Variants in PYHIN1 observed in about 807,000 individuals in gnomAD.
PYHIN1 encodes pyrin and HIN domain family member 1.
Under a neutral mutation model 43.7 loss-of-function variants are expected in PYHIN1, and 32 were observed. That is an observed-to-expected ratio of 0.73 (90% CI 0.55 to 0.98). The LOEUF (loss-of-function observed/expected upper bound fraction) is 0.98, where lower values mean the gene tolerates loss of function less well. Ranked by LOEUF, PYHIN1 falls within the 50% of genes least tolerant of loss-of-function variation. The probability of loss-of-function intolerance (pLI) is 0.00; values close to 1 mark genes in which losing one functional copy is unlikely to be tolerated. For missense variants in PYHIN1, 588 were observed against 589.5 expected (o/e 1.00, Z 0.03); for synonymous variants, 205 against 203.1 (o/e 1.01, Z -0.08).
intron 7 of PYHIN1, among the ~76,000 whole-genome samples, chr1:158,950,061 G>T (rs1649446867): frequency 6.6e-6 from 1 of 152,152 alleles, no homozygotes; most frequent in Non-Finnish European, 1.5e-5. Context: ...AGACCCCATT[G>T]GGTGTAAATC....
Position 158,946,648 on chromosome 1 carries a change from G to T in PYHIN1, c.1359+1606G>T, listed in dbSNP as rs191114103. 5.0e-3 allele frequency among the ~76,000 whole-genome samples: 759 copies of T among 152,238 alleles called. 5 individuals are homozygous for T. The highest frequency in any genetic ancestry group is 8.1e-3 in the Non-Finnish European group (554 of 68,016). ...AAGAACAGACAACAGGTACCCATTTGTGTATTTCCTTGACTAGAAAGACTT... is the reference window on the plus strand; with the variant it reads ...AAGAACAGACAACAGGTACCCATTTTTGTATTTCCTTGACTAGAAAGACTT... On this transcript the variant is annotated intron_variant, in intron 7 of 8. Coordinates refer to ENST00000368140, the MANE Select transcript of PYHIN1 (RefSeq NM_152501.5).
chr1:158,973,910 A>G (rs1453635477), intron 8 of PYHIN1, 139 bp downstream of exon 8: 5 of 1,024,000 alleles, frequency 4.9e-6, no homozygotes, highest in East Asian at 5.3e-5. Context: ...ATTTATCAAT[A>G]TATAATTGGA....
chr1:158,934,910 A>G (rs892957188), intron 1 of PYHIN1, among the ~76,000 whole-genome samples: 18 of 152,210 alleles, frequency 1.2e-4, no homozygotes, highest in Admixed American at 3.9e-4. Context: ...TTGTATTTTT[A>G]GTAGAGACGG....
chr1:158,988,877 C>T, the PYHIN1 span, among the ~76,000 whole-genome samples: 1 of 152,062 alleles, frequency 6.6e-6, no homozygotes, highest in African/African-American at 2.4e-5. Flanking sequence ...CAAGACACAC[C>T]CCCACTGGGG....
At chr1:158,934,994 C>T (rs1305181506) in intron 1 of PYHIN1, among the ~76,000 whole-genome samples, 8 of 152,128 alleles carry the variant, frequency 5.3e-5, no homozygotes, top group Middle Eastern at 3.4e-3. Context: ...CCTCCCAAAG[C>T]GCTATGTTAA....
chr1:158,975,111 TTTC>T (rs1250435893), intron 8 of PYHIN1, among the ~76,000 whole-genome samples: 1 of 151,990 alleles, frequency 6.6e-6, no homozygotes, highest in Non-Finnish European at 1.5e-5. Flanking sequence ...CATATAGCCA[TTTC>T]TTCTTTGATA....
At chr1:158,971,374 A>G (rs1325480917) in intron 7 of PYHIN1, among the ~76,000 whole-genome samples, 2 of 152,012 alleles carry the variant, frequency 1.3e-5, no homozygotes, top group Non-Finnish European at 2.9e-5. Context: ...CTTAGTGCTT[A>G]GAGAGAATCA....
At chr1:158,932,794 C>T (rs1557818902) in intron 1 of PYHIN1, among the ~76,000 whole-genome samples, 1 of 152,120 alleles carries the variant, frequency 6.6e-6, no homozygotes, top group Non-Finnish European at 1.5e-5. Flanking sequence ...TTTAAGATTA[C>T]TTCCTGCCCT....
chr1:158,951,270 T>C (rs1237424760), intron 7 of PYHIN1, among the ~76,000 whole-genome samples: 4 of 152,160 alleles, frequency 2.6e-5, no homozygotes, highest in Non-Finnish European at 5.9e-5. Flanking sequence ...TGCTTGTTCA[T>C]TGCCATAAGC....
At chr1:158,932,576 A>G (rs1461776774) in intron 1 of PYHIN1, among the ~76,000 whole-genome samples, 2 of 152,224 alleles carry the variant, frequency 1.3e-5, no homozygotes, top group African/African-American at 4.8e-5. Context: ...TTTACAAAAC[A>G]TGTTCTCACA....
At chr1:158,942,547 G>A (rs750538968) in intron 5 of PYHIN1, 148 bp downstream of exon 5, 16 of 621,736 alleles carry the variant, frequency 2.6e-5, no homozygotes, top group Non-Finnish European at 3.7e-5. Flanking sequence ...AGTCTTCTTC[G>A]AGGTTAAGAC....
At chr1:158,965,889 G>T (rs1313788797) in intron 7 of PYHIN1, among the ~76,000 whole-genome samples, 1 of 151,854 alleles carries the variant, frequency 6.6e-6, no homozygotes, top group Non-Finnish European at 1.5e-5. Flanking sequence ...ACCAATATCA[G>T]AGCTAAACTA....
intron 7 of PYHIN1, among the ~76,000 whole-genome samples, chr1:158,949,212 T>A (rs1372978249): frequency 6.6e-6 from 1 of 152,086 alleles, no homozygotes; most frequent in African/African-American, 2.4e-5. Flanking sequence ...TACAAAACTG[T>A]GATTGATGCC....
chr1:158,959,041 A>T (rs1373888084), intron 7 of PYHIN1, among the ~76,000 whole-genome samples: 1 of 151,450 alleles, frequency 6.6e-6, no homozygotes, highest in Non-Finnish European at 1.5e-5. Context: ...TGGAAATCCC[A>T]AGCGGGCACT....
chr1:158,936,056 C>T (rs975009150), intron 1 of PYHIN1, among the ~76,000 whole-genome samples: 5 of 151,916 alleles, frequency 3.3e-5, no homozygotes, highest in African/African-American at 1.2e-4. Flanking sequence ...ACAACTCTTT[C>T]TTTTATTATT....
At chr1:158,967,453 C>T (rs1301924794) in intron 7 of PYHIN1, among the ~76,000 whole-genome samples, 1 of 151,674 alleles carries the variant, frequency 6.6e-6, no homozygotes, top group Non-Finnish European at 1.5e-5. Flanking sequence ...GGAACACAAA[C>T]AAATAGGAAA....
At chr1:158,940,062 A>G (rs1469669368) in intron 4 of PYHIN1, 1 of 152,814 alleles carries the variant, frequency 6.5e-6, no homozygotes, top group Non-Finnish European at 1.5e-5. Context: ...TATCTCTACT[A>G]AAAATACAAA....
chr1:158,980,408 C>T (rs952126433), downstream of PYHIN1, among the ~76,000 whole-genome samples: 6 of 152,038 alleles, frequency 3.9e-5, no homozygotes, highest in African/African-American at 1.4e-4. Flanking sequence ...CAAAACGAGC[C>T]GTATTTTTCT....
At chr1:158,947,266 G>C (rs1023188714) in intron 7 of PYHIN1, among the ~76,000 whole-genome samples, 2 of 152,150 alleles carry the variant, frequency 1.3e-5, no homozygotes, top group African/African-American at 4.8e-5. Flanking sequence ...TGACTCAAGA[G>C]GATTACTGTC....
Sources: gnomAD v4.1 joint callset for allele counts (sites outside exome capture counted in the v4.1 genomes callset) on GRCh38, gnomAD v4.1.1 for gene constraint, MANE v1.5 for transcripts, NCBI Gene and HGNC (gene_info 2026-07-23, HGNC 2026-07-21) for gene names.